SLC25A40: variants seen among roughly 807,000 people sequenced by gnomAD.
The protein encoded by SLC25A40 is mitochondrial glutathione transporter SLC25A40.
In SLC25A40, 41 loss-of-function variants were observed where a neutral mutation model predicts 46.5. That is an observed-to-expected ratio of 0.88 (90% CI 0.69 to 1.14). The LOEUF is 1.14. SLC25A40 is among the 50% of genes most tolerant of loss of function. The probability of loss-of-function intolerance (pLI) is 0.00; values close to 1 mark genes in which losing one functional copy is unlikely to be tolerated. For missense variants in SLC25A40, 386 were observed against 393.6 expected (o/e 0.98, Z 0.16); for synonymous variants, 126 against 127.5 (o/e 0.99, Z 0.08).
In SLC25A40 at chr7:87,835,495, C is replaced by T. The variant is rs1391758869; in HGVS notation, c.*754G>A. 1 of 151,462 alleles carries T rather than the reference C, an allele frequency of 6.6e-6. No homozygotes were observed. The highest frequency in any genetic ancestry group is 1.5e-5 in the Non-Finnish European group (1 of 67,662). 9.4% of individuals were successfully genotyped at this position (151,462 alleles called of 1,614,324 possible). ...CCAGTCTAAATACTATATGGTTTAC[C>T]ACTGAACACCCAAGTTTGACTGAAG... On this transcript the variant is annotated 3_prime_UTR_variant, in exon 12 of 12. Coordinates refer to ENST00000341119, the MANE Select transcript of SLC25A40 (RefSeq NM_018843.4).
Position 87,846,955 on chromosome 7 carries a change from A to G in SLC25A40, c.625T>C (p.Phe209Leu). 6.3e-7 allele frequency: 1 copy of G among 1,599,306 alleles called. No homozygotes were observed. The highest frequency in any genetic ancestry group is 1.1e-5 in the South Asian group (1 of 89,428). Residue 209 changes from phenylalanine (F) to leucine (L), a missense_variant, in exon 8 of 12, where the codon TTC (phenylalanine) becomes CTC (leucine). Phe to Leu is a conservative substitution (Grantham distance 22). Coordinates refer to ENST00000341119, the MANE Select transcript of SLC25A40 (RefSeq NM_018843.4). The stretch of plus-strand genomic sequence containing the variant: ...CAAATAAGATAAATCCTACCTGAGA[A>G]AGGTACATCTCTAAGAACAGTAGGA... Reference protein sequence around the residue: ...WAPTVLRDVPFSAMYWYNYEI... With the variant: ...WAPTVLRDVPLSAMYWYNYEI...
chr7:87,842,518 CA>C (rs1467253044), intron 9 of SLC25A40, among the ~76,000 whole-genome samples: 1 of 151,952 alleles, frequency 6.6e-6, no homozygotes, highest in Non-Finnish European at 1.5e-5. Context: ...TATTTCACCC[CA>C]ACAATTTGTT....
chr7:87,863,898 A>G (rs572846641), intron 1 of SLC25A40, among the ~76,000 whole-genome samples: 1 of 152,214 alleles, frequency 6.6e-6, no homozygotes, highest in East Asian at 1.9e-4. Flanking sequence ...CCAATCTACT[A>G]TCTTCATGAG....
chr7:87,847,795 CAACTT>C (rs1838443705), intron 7 of SLC25A40, 53 bp downstream of exon 7: 2 of 1,529,112 alleles, frequency 1.3e-6, no homozygotes. Flanking sequence ...GTGAATGTCA[CAACTT>C]AAACAGAAGC....
intron 1 of SLC25A40, among the ~76,000 whole-genome samples, chr7:87,867,748 T>C (rs1322043617): frequency 1.3e-5 from 2 of 152,234 alleles, no homozygotes; most frequent in African/African-American, 4.8e-5. Context: ...AGACACTCTT[T>C]GTAATTTATC....
intron 1 of SLC25A40, among the ~76,000 whole-genome samples, chr7:87,873,429 C>CT (rs573186397): frequency 0.12 from 15,355 of 125,672 alleles, 1,602 homozygotes; most frequent in East Asian, 0.36. Context: ...GAAAGGTTAA[C>CT]TTTTTTTTTT....
chr7:87,843,639 AT>A, intron 9 of SLC25A40, 114 bp downstream of exon 9: 1 of 655,626 alleles, frequency 1.5e-6, no homozygotes, highest in Non-Finnish European at 2.5e-6. Context: ...ACTTAGACAA[AT>A]TTTCAAGCAG....
Position 87,846,965 on chromosome 7 carries a change from T to C in SLC25A40, c.615A>G (p.Arg205=). ...LWRGWAPTVL[R]DVPFSAMYWY... ...AAATCCTACCTGAGAAAGGTACATC[T>C]CTAAGAACAGTAGGAGCCCAGCCCC... Residue 205 remains arginine (R), a synonymous_variant, in exon 8 of 12, where the codon AGA becomes AGG. Coordinates refer to ENST00000341119, the MANE Select transcript of SLC25A40 (RefSeq NM_018843.4). The C allele has an allele frequency of 1.2e-6, 2 of 1,611,058 alleles. No homozygotes were observed. Among genetic ancestry groups the C allele is most frequent in the South Asian group, 1.1e-5 (1 of 90,820 alleles).
At position 87,858,746 on chromosome 7, in the gene SLC25A40, A is replaced by G. The variant is rs1277618494; in HGVS notation, c.-19T>C. ...GATCCATATTTTTAACTAATTAAAT[A>G]AAAACCTGTTAAAAAGAAAACATAA... On this transcript the variant is annotated 5_prime_UTR_variant, in exon 3 of 12. Coordinates refer to ENST00000341119, the MANE Select transcript of SLC25A40 (RefSeq NM_018843.4). 3.3e-6 allele frequency: 5 copies of G among 1,534,184 alleles called. No individual in the cohort carries two copies. The South Asian group carries it at 5.6e-5, about 17-fold the overall frequency.
Position 87,856,338 on chromosome 7 carries a change from A to C in SLC25A40, c.111T>G (p.Asp37Glu). 6.2e-7 allele frequency: 1 copy of C among 1,613,394 alleles called. No individual in the cohort carries two copies. The highest frequency in any genetic ancestry group is 8.5e-7 in the Non-Finnish European group (1 of 1,179,458). The part of the protein sequence containing the change: ...ILTSVIVTPL[D>E]VVKIRLQAQN... ...GGGCTTGGAGTCTAATTTTAACAAC[A>C]TCCAGGGGTGTCACTATGAAGATAT... Residue 37 changes from aspartate (D) to glutamate (E), a missense_variant, in exon 4 of 12, where the codon GAT (aspartate) becomes GAG (glutamate). Transcript: ENST00000341119.
At position 87,854,231 on chromosome 7, in the gene SLC25A40, CT is replaced by C; in HGVS notation, c.236del (p.Lys79ArgfsTer33). ...ATGTTCCCTGGAAATTTCCTGGCTT[CT>C]TATACCATAGTTTGTTGCCTCCCTC... The part of the protein sequence containing the change: ...CEEGGNKLWY[K>X]KPGNFQGTLD... On this transcript the variant is annotated frameshift_variant, in exon 5 of 12. Transcript: ENST00000341119. LOFTEE classifies it high-confidence loss of function. 6.2e-7 allele frequency: 1 copy of C among 1,612,706 alleles called. No homozygotes were observed. Among genetic ancestry groups the C allele is most frequent in the Non-Finnish European group, 8.5e-7 (1 of 1,178,950 alleles).
intron 10 of SLC25A40, 64 bp downstream of exon 10, chr7:87,841,569 T>TAC (rs1264825018): frequency 2.1e-5 from 19 of 923,682 alleles, no homozygotes; most frequent in Admixed American, 9.6e-5. Context: ...TAGATATCCC[T>TAC]ACAATATCTG....
intron 6 of SLC25A40, among the ~76,000 whole-genome samples, chr7:87,848,777 T>C (rs1296011175): frequency 1.3e-5 from 2 of 152,204 alleles, no homozygotes; most frequent in East Asian, 3.8e-4. Flanking sequence ...AACTAGTCCA[T>C]GTTTATGATG....
In SLC25A40 at chr7:87,834,021, T is replaced by G. The variant is rs1472450194; in HGVS notation, c.*2228A>C. The G allele has an allele frequency of 6.6e-6, 1 of 151,988 alleles. No individual in the cohort carries two copies. The highest frequency in any genetic ancestry group is 1.5e-5 in the Non-Finnish European group (1 of 67,932). 9.4% of individuals were successfully genotyped at this position (151,988 alleles called of 1,614,324 possible). On this transcript the variant is annotated 3_prime_UTR_variant, in exon 12 of 12. Transcript: ENST00000341119. ...ATTAAAGATGTTCCTTCCTAAAATT[T>G]TACATTAATCAATTAAATGTTTATG... is the stretch of plus-strand genomic sequence containing the variant.
intron 3 of SLC25A40, among the ~76,000 whole-genome samples, chr7:87,857,942 A>G (rs1443795184): frequency 6.6e-6 from 1 of 152,218 alleles, no homozygotes; most frequent in East Asian, 1.9e-4. Context: ...TTATTTTCCT[A>G]GCAAGGAATA....
chr7:87,842,432 C>A (rs1052242714), intron 9 of SLC25A40, among the ~76,000 whole-genome samples: 2 of 151,924 alleles, frequency 1.3e-5, no homozygotes, highest in African/African-American at 4.8e-5. Context: ...AAGGTTAAAA[C>A]TGGTATGCAT....
At chr7:87,847,339 T>C (rs1838437022) in intron 7 of SLC25A40, among the ~76,000 whole-genome samples, 2 of 152,198 alleles carry the variant, frequency 1.3e-5, no homozygotes, top group South Asian at 2.1e-4. Flanking sequence ...TCATATACTT[T>C]ACTTTTTCTG....
chr7:87,873,478 G>A (rs904455825), intron 1 of SLC25A40, among the ~76,000 whole-genome samples: 5 of 136,430 alleles, frequency 3.7e-5, no homozygotes, highest in East Asian at 2.2e-4. Context: ...TGTTGCCCAC[G>A]CTGGAGTGCA....
chr7:87,863,483 A>G (rs1838739515), intron 1 of SLC25A40, among the ~76,000 whole-genome samples: 1 of 152,032 alleles, frequency 6.6e-6, no homozygotes, highest in African/African-American at 2.4e-5. Flanking sequence ...CCCCAGCCAC[A>G]ATGAACTGTG....
Sources: gnomAD v4.1 joint callset for allele counts (sites outside exome capture counted in the v4.1 genomes callset) on GRCh38, gnomAD v4.1.1 for gene constraint, MANE v1.5 for transcripts, NCBI Gene and HGNC (gene_info 2026-07-23, HGNC 2026-07-21) for gene names.